Variants in NRXN1 observed in about 807,000 individuals in gnomAD.
NRXN1 encodes neurexin-1.
A neutral mutation model predicts 150.9 loss-of-function variants in NRXN1; 39 were observed. The ratio of observed to expected loss-of-function variants is 0.26; its 90% CI spans 0.20 to 0.34. NRXN1 has a LOEUF of 0.34. NRXN1 is among the 10% of genes least tolerant of loss of function. The pLI, the probability that NRXN1 is intolerant of heterozygous loss-of-function variation, is 1.00. For synonymous variants in NRXN1, 924 were observed against 757.0 expected, an observed-to-expected ratio of 1.22 and a Z score of -3.62; for missense variants, 1,815 against 1,949.9, an observed-to-expected ratio of 0.93 and a Z score of 1.30.
At chr2:50,897,976 A>T (rs547441988) in intron 5 of NRXN1, among the ~76,000 whole-genome samples, 1 of 152,338 alleles carries the variant, frequency 6.6e-6, no homozygotes, top group East Asian at 1.9e-4. Context: ...AATAATCACT[A>T]CAGTATATCT....
At chr2:50,236,715 AG>A (rs2065470114) in intron 18 of NRXN1, 73 bp downstream of exon 18, 3 of 1,436,118 alleles carry the variant, frequency 2.1e-6, no homozygotes, top group African/African-American at 2.8e-5. Flanking sequence ...GCATCCAAGA[AG>A]CAAAATTATA....
intron 12 of NRXN1, among the ~76,000 whole-genome samples, chr2:50,518,029 G>A (rs1428498524): frequency 6.6e-6 from 1 of 152,004 alleles, no homozygotes; most frequent in Non-Finnish European, 1.5e-5. Context: ...GAAACATTAA[G>A]CCTCTGTAGT....
At chr2:50,859,648 G>A (rs1314680046) in intron 5 of NRXN1, among the ~76,000 whole-genome samples, 1 of 151,224 alleles carries the variant, frequency 6.6e-6, no homozygotes, top group Non-Finnish European at 1.5e-5. Context: ...AGGTGGTCTG[G>A]GACAGATGTC....
chr2:50,099,964 A>G (rs1014086777), intron 18 of NRXN1, among the ~76,000 whole-genome samples: 1 of 152,118 alleles, frequency 6.6e-6, no homozygotes, highest in Non-Finnish European at 1.5e-5. Flanking sequence ...GGTTCTAGGG[A>G]AATCCTAAAT....
At chr2:50,731,704 A>G (rs1243250255) in intron 5 of NRXN1, among the ~76,000 whole-genome samples, 1 of 152,230 alleles carries the variant, frequency 6.6e-6, no homozygotes, top group Admixed American at 6.5e-5. Flanking sequence ...CCTGCATTTC[A>G]AAGATACTTC....
chr2:50,808,241 A>T (rs2105744564), intron 5 of NRXN1, among the ~76,000 whole-genome samples: 1 of 152,264 alleles, frequency 6.6e-6, no homozygotes, highest in Non-Finnish European at 1.5e-5. Flanking sequence ...CCAATTTGAC[A>T]TCATGTTATG....
At chr2:50,480,570 T>C (rs868248185) in intron 15 of NRXN1, among the ~76,000 whole-genome samples, 5 of 152,174 alleles carry the variant, frequency 3.3e-5, no homozygotes, top group African/African-American at 1.2e-4. Flanking sequence ...TGTGGACCCT[T>C]AGTGCTCTGC....
intron 18 of NRXN1, among the ~76,000 whole-genome samples, chr2:50,132,290 T>C (rs1034809482): frequency 6.7e-6 from 1 of 148,790 alleles, no homozygotes; most frequent in Non-Finnish European, 1.5e-5. Context: ...TATGCGATAG[T>C]TTATGTCCCA....
chr2:50,689,057 A>T (rs1325909826), intron 5 of NRXN1, among the ~76,000 whole-genome samples: 1 of 152,194 alleles, frequency 6.6e-6, no homozygotes, highest in Non-Finnish European at 1.5e-5. Flanking sequence ...TTCTGGGAGC[A>T]TGAGTCAGGG....
intron 5 of NRXN1, among the ~76,000 whole-genome samples, chr2:50,817,923 T>C (rs1669160882): frequency 6.6e-6 from 1 of 151,974 alleles, no homozygotes; most frequent in African/African-American, 2.4e-5. Flanking sequence ...TAAGAGCTCT[T>C]CCTGGATAAT....
At chr2:50,755,421 A>G (rs1347423586) in intron 5 of NRXN1, among the ~76,000 whole-genome samples, 1 of 151,832 alleles carries the variant, frequency 6.6e-6, no homozygotes, top group Non-Finnish European at 1.5e-5. Context: ...TATGCCAAAC[A>G]CAAAACCAGA....
intron 5 of NRXN1, among the ~76,000 whole-genome samples, chr2:50,800,813 G>C (rs545051618): frequency 1.2e-3 from 185 of 152,262 alleles, no homozygotes; most frequent in African/African-American, 4.3e-3. Flanking sequence ...GCCTCACAAA[G>C]TGCTGGGATT....
chr2:50,483,843 A>T (rs1419029201), intron 15 of NRXN1, among the ~76,000 whole-genome samples: 1 of 152,220 alleles, frequency 6.6e-6, no homozygotes, highest in East Asian at 1.9e-4. Flanking sequence ...AATAGGGAAC[A>T]AGTAGCAGAA....
At chr2:50,804,753 C>G (rs751216331) in intron 5 of NRXN1, among the ~76,000 whole-genome samples, 9 of 152,132 alleles carry the variant, frequency 5.9e-5, no homozygotes, top group Non-Finnish European at 8.8e-5. Context: ...ACCTCTAAGT[C>G]AAAAGCTTTT....
chr2:50,546,901 ACAGT>A (rs2105311273), intron 9 of NRXN1, among the ~76,000 whole-genome samples: 2 of 152,312 alleles, frequency 1.3e-5, no homozygotes, highest in South Asian at 4.1e-4. Flanking sequence ...AGGAACATTT[ACAGT>A]CAGAGGGCAA....
At chr2:50,281,293 G>A (rs1329161084) in intron 17 of NRXN1, among the ~76,000 whole-genome samples, 1 of 149,766 alleles carries the variant, frequency 6.7e-6, no homozygotes, top group African/African-American at 2.5e-5. Context: ...CTCCAGCCTC[G>A]GTGACAGAGC....
At chr2:50,098,166 T>G (rs1209862049) in intron 18 of NRXN1, among the ~76,000 whole-genome samples, 1 of 152,198 alleles carries the variant, frequency 6.6e-6, no homozygotes, top group Non-Finnish European at 1.5e-5. Flanking sequence ...AAATAGCGTC[T>G]GTTTAAAATT....
chr2:50,320,283 C>CTTATATATATAT (rs1178411507), intron 17 of NRXN1, among the ~76,000 whole-genome samples: 19 of 43,056 alleles, frequency 4.4e-4, no homozygotes, highest in African/African-American at 9.4e-4. Context: ...ATACCTCAAT[C>CTTATATATATAT]ATATATATAT....
intron 2 of NRXN1, among the ~76,000 whole-genome samples, chr2:50,993,131 T>C (rs1258372799): frequency 6.6e-6 from 1 of 151,940 alleles, no homozygotes; most frequent in African/African-American, 2.4e-5. Context: ...GTAAGTTCTA[T>C]TACACGAGAG....
Sources: allele counts gnomAD v4.1 joint callset (sites outside exome capture counted in the v4.1 genomes callset), GRCh38; gene constraint gnomAD v4.1.1; transcripts MANE v1.5; gene names NCBI Gene and HGNC (gene_info 2026-07-23, HGNC 2026-07-21).